The following RARB variants were observed in gnomAD, a reference collection of about 807,000 sequenced individuals.
The protein encoded by RARB is HBV-activated protein.
Under a neutral mutation model 51.9 loss-of-function variants are expected in RARB, and 17 were observed. That is an observed-to-expected ratio of 0.33 (90% confidence interval 0.22 to 0.49). The LOEUF is 0.49. Ranked by LOEUF, RARB falls within the 20% of genes least tolerant of loss-of-function variation. The pLI is 0.99. For missense variants in RARB, 369 were observed against 550.8 expected (o/e 0.67, Z 3.30); for synonymous variants, 215 against 195.4 (o/e 1.10, Z -0.84).
intron 7 of RARB, among the ~76,000 whole-genome samples, chr3:25,594,922 A>G (rs1483764227): frequency 2.0e-5 from 3 of 152,160 alleles, no homozygotes; most frequent in Admixed American, 6.5e-5. Flanking sequence ...ACTGATTAGA[A>G]AAACATTGTT....
intron 5 of RARB, among the ~76,000 whole-genome samples, chr3:25,393,644 A>G (rs1384575104): frequency 2.6e-5 from 4 of 152,052 alleles, no homozygotes; most frequent in Admixed American, 6.6e-5. Context: ...GAATTTGTTC[A>G]TCTCCTCTAG....
intron 3 of RARB, among the ~76,000 whole-genome samples, chr3:25,566,133 C>G (rs1031792644): frequency 1.4e-4 from 21 of 152,186 alleles, no homozygotes; most frequent in African/African-American, 5.1e-4. Flanking sequence ...TGTGTCACCT[C>G]CATGATTCTG....
intron 5 of RARB, among the ~76,000 whole-genome samples, chr3:25,392,431 A>G (rs1197530883): frequency 6.6e-6 from 1 of 152,006 alleles, no homozygotes; most frequent in Non-Finnish European, 1.5e-5. Context: ...GTGAAGAATG[A>G]TGATGGTATT....
At chr3:24,934,764 G>A (rs538747889) in intron 2 of RARB, among the ~76,000 whole-genome samples, 3 of 152,134 alleles carry the variant, frequency 2.0e-5, no homozygotes, top group South Asian at 2.1e-4. Context: ...TTATTTCCAA[G>A]TTTTTTATTG....
chr3:25,483,828 C>G (rs565817843), intron 2 of RARB, among the ~76,000 whole-genome samples: 1 of 152,220 alleles, frequency 6.6e-6, no homozygotes, highest in South Asian at 2.1e-4. Context: ...AATATTTTAT[C>G]ATTAATGTGA....
chr3:25,322,816 A>G (rs907336380), intron 5 of RARB, among the ~76,000 whole-genome samples: 8 of 152,230 alleles, frequency 5.3e-5, no homozygotes, highest in South Asian at 4.1e-4. Flanking sequence ...CCAAAATGCA[A>G]CATGAGTTGG....
intron 4 of RARB, among the ~76,000 whole-genome samples, chr3:25,156,175 T>G (rs150184941): frequency 3.7e-4 from 56 of 152,342 alleles, no homozygotes; most frequent in Non-Finnish European, 6.2e-4. Context: ...GAATGTCGTC[T>G]GATACTGAAT....
chr3:25,004,566 C>T (rs966068520), intron 2 of RARB, among the ~76,000 whole-genome samples: 3 of 152,058 alleles, frequency 2.0e-5, no homozygotes, highest in Non-Finnish European at 4.4e-5. Context: ...GCTCTCATGG[C>T]CTAATCACCT....
chr3:24,875,076 A>C (rs1347993570), intron 2 of RARB, among the ~76,000 whole-genome samples: 2 of 152,106 alleles, frequency 1.3e-5, no homozygotes, highest in Non-Finnish European at 2.9e-5. Context: ...CTGTTAAACA[A>C]GATTTTGGTT....
At chr3:24,955,271 G>T (rs182601245) in intron 2 of RARB, among the ~76,000 whole-genome samples, 4 of 152,146 alleles carry the variant, frequency 2.6e-5, no homozygotes, top group African/African-American at 9.7e-5. Flanking sequence ...GTTAAGCTGC[G>T]TCTGTCTGTA....
intron 5 of RARB, among the ~76,000 whole-genome samples, chr3:25,270,532 G>A (rs527839175): frequency 1.6e-4 from 24 of 152,052 alleles, no homozygotes; most frequent in Non-Finnish European, 1.9e-4. Flanking sequence ...TGTCACATTC[G>A]AAGCAAATGG....
intron 2 of RARB, among the ~76,000 whole-genome samples, chr3:24,859,077 A>C (rs1160971993): frequency 6.6e-6 from 1 of 151,380 alleles, no homozygotes; most frequent in Non-Finnish European, 1.5e-5. Flanking sequence ...AAAGTTCCTT[A>C]ATACTCTTAT....
At chr3:25,174,794 T>G (rs1258375678) in intron 5 of RARB, among the ~76,000 whole-genome samples, 2 of 152,244 alleles carry the variant, frequency 1.3e-5, no homozygotes, top group Admixed American at 6.5e-5. Flanking sequence ...GCTTTGGTAT[T>G]TTGCTCTGTT....
At chr3:25,167,120 G>C (rs1700573138) in intron 4 of RARB, among the ~76,000 whole-genome samples, 1 of 152,110 alleles carries the variant, frequency 6.6e-6, no homozygotes, top group African/African-American at 2.4e-5. Flanking sequence ...TTTCCTCATA[G>C]TTAAAATATT....
At chr3:25,011,021 A>G (rs1029928497) in intron 2 of RARB, among the ~76,000 whole-genome samples, 5 of 152,088 alleles carry the variant, frequency 3.3e-5, no homozygotes, top group African/African-American at 1.2e-4. Context: ...CCATGTTCAC[A>G]TTTTTAAATG....
At chr3:25,376,095 A>G (rs748181606) in intron 5 of RARB, among the ~76,000 whole-genome samples, 5 of 152,198 alleles carry the variant, frequency 3.3e-5, no homozygotes, top group Non-Finnish European at 7.3e-5. Flanking sequence ...GTATTATTTT[A>G]TTGCAGGTCT....
At chr3:25,421,699 C>T (rs1243152338) in intron 5 of RARB, among the ~76,000 whole-genome samples, 2 of 152,112 alleles carry the variant, frequency 1.3e-5, no homozygotes, top group East Asian at 1.9e-4. Flanking sequence ...CCACTGTGCA[C>T]GGCCTTGCAC....
At chr3:25,178,619 T>A (rs1019111924) in intron 5 of RARB, among the ~76,000 whole-genome samples, 1 of 152,100 alleles carries the variant, frequency 6.6e-6, no homozygotes. Flanking sequence ...ACCATGGACA[T>A]CTTTTTTCCA....
At chr3:25,313,666 A>C (rs1441907977) in intron 5 of RARB, among the ~76,000 whole-genome samples, 2 of 152,212 alleles carry the variant, frequency 1.3e-5, no homozygotes, top group African/African-American at 2.4e-5. Flanking sequence ...CTCCTGTGTC[A>C]GCAGGTTTGG....
Sources: allele counts gnomAD v4.1 joint callset (sites outside exome capture counted in the v4.1 genomes callset), GRCh38; gene constraint gnomAD v4.1.1; transcripts MANE v1.5; gene names NCBI Gene and HGNC (gene_info 2026-07-23, HGNC 2026-07-21).